MAP3K13: variants seen among roughly 807,000 people sequenced by gnomAD.
MAP3K13 encodes the protein leucine zipper-bearing kinase.
A neutral mutation model predicts 104.0 loss-of-function variants in MAP3K13; 52 were observed. The ratio of observed to expected loss-of-function variants is 0.50; its 90% CI spans 0.40 to 0.63. The LOEUF is 0.63. Among genes scored for constraint, MAP3K13 ranks in the 20% least tolerant of loss-of-function variants. MAP3K13 has a pLI of 0.00. For missense variants in MAP3K13, 914 were observed against 1,218.5 expected (o/e 0.75, Z 3.72); for synonymous variants, 394 against 442.2 (o/e 0.89, Z 1.37).
chr3:185,430,006 C>G (rs1714654294), intron 2 of MAP3K13, among the ~76,000 whole-genome samples: 2 of 152,150 alleles, frequency 1.3e-5, no homozygotes, highest in African/African-American at 4.8e-5. Flanking sequence ...TCAAGACCAG[C>G]CTGGCCAACA....
intron 10 of MAP3K13, among the ~76,000 whole-genome samples, chr3:185,472,366 C>T (rs1717854808): frequency 6.6e-6 from 1 of 151,986 alleles, no homozygotes; most frequent in South Asian, 2.1e-4. Flanking sequence ...GCATGCACCA[C>T]CACGCCTGGC....
intron 7 of MAP3K13, among the ~76,000 whole-genome samples, chr3:185,451,793 G>C (rs1313146020): frequency 6.6e-6 from 1 of 151,298 alleles, no homozygotes; most frequent in Non-Finnish European, 1.5e-5. Context: ...CTTGAACCCG[G>C]GAAGCGGAGG....
intron 5 of MAP3K13, among the ~76,000 whole-genome samples, chr3:185,449,678 G>A (rs898516127): frequency 1.3e-5 from 2 of 151,088 alleles, no homozygotes; most frequent in African/African-American, 2.4e-5. Context: ...GTTCACACAC[G>A]GGAGTTAATT....
intron 1 of MAP3K13, among the ~76,000 whole-genome samples, chr3:185,397,117 G>A (rs902768834): frequency 4.0e-5 from 6 of 151,812 alleles, no homozygotes; most frequent in Admixed American, 1.3e-4. Flanking sequence ...GAGGTCATTC[G>A]GTTCAATCCT....
intron 2 of MAP3K13, among the ~76,000 whole-genome samples, chr3:185,310,683 A>G (rs1721467013): frequency 6.6e-6 from 1 of 152,224 alleles, no homozygotes; most frequent in African/African-American, 2.4e-5. Context: ...AGATCCATAG[A>G]AGTTATTCAA....
chr3:185,414,726 G>A (rs1713646521), intron 1 of MAP3K13, among the ~76,000 whole-genome samples: 1 of 152,006 alleles, frequency 6.6e-6, no homozygotes, highest in South Asian at 2.1e-4. Flanking sequence ...AACTGGCAAT[G>A]AATTATTTGA....
chr3:185,398,028 G>C (rs1343722356), intron 1 of MAP3K13, among the ~76,000 whole-genome samples: 2 of 152,130 alleles, frequency 1.3e-5, no homozygotes, highest in Non-Finnish European at 2.9e-5. Context: ...CCTGTGGAGT[G>C]GGGAGAGCTG....
chr3:185,357,297 A>C (rs1723400186), intron 2 of MAP3K13, among the ~76,000 whole-genome samples: 1 of 151,838 alleles, frequency 6.6e-6, no homozygotes, highest in Non-Finnish European at 1.5e-5. Context: ...ATACAAAAAA[A>C]ATTAGCTGCA....
chr3:185,407,295 T>C (rs1450520617), intron 1 of MAP3K13, among the ~76,000 whole-genome samples: 1 of 152,210 alleles, frequency 6.6e-6, no homozygotes, highest in East Asian at 1.9e-4. Context: ...TCTAAAGATA[T>C]GTAATCGTGA....
At chr3:185,422,854 G>T (rs950007456) in intron 1 of MAP3K13, among the ~76,000 whole-genome samples, 2 of 152,220 alleles carry the variant, frequency 1.3e-5, no homozygotes, top group South Asian at 4.1e-4. Flanking sequence ...GTGAGCAGCA[G>T]GTGGGTGAGC....
chr3:185,364,186 G>T (rs1210470496), intron 1 of MAP3K13, among the ~76,000 whole-genome samples: 2 of 152,188 alleles, frequency 1.3e-5, no homozygotes, highest in Non-Finnish European at 2.9e-5. Flanking sequence ...GAAAAGTTCT[G>T]ATATGTTCCA....
At chr3:185,299,221 G>A (rs1362793041) in intron 2 of MAP3K13, among the ~76,000 whole-genome samples, 7 of 152,216 alleles carry the variant, frequency 4.6e-5, no homozygotes, top group Non-Finnish European at 7.3e-5. Flanking sequence ...CCCTTTTGAA[G>A]AGAGACAGGA....
chr3:185,298,426 C>G (rs1720990666), intron 2 of MAP3K13, among the ~76,000 whole-genome samples: 1 of 152,120 alleles, frequency 6.6e-6, no homozygotes, highest in Admixed American at 6.5e-5. Flanking sequence ...ATGGACAACT[C>G]AAAGGGAAAG....
At chr3:185,447,350 G>A (rs1423828299) in intron 4 of MAP3K13, among the ~76,000 whole-genome samples, 2 of 151,816 alleles carry the variant, frequency 1.3e-5, no homozygotes, top group African/African-American at 2.4e-5. Flanking sequence ...AATTAGCTGG[G>A]CATGGTGGCA....
chr3:185,328,120 G>A (rs1722106868), intron 2 of MAP3K13, among the ~76,000 whole-genome samples: 1 of 152,066 alleles, frequency 6.6e-6, no homozygotes, highest in South Asian at 2.1e-4. Context: ...ATAGAATTTG[G>A]GATCCATGTT....
At chr3:185,321,408 T>C (rs1002201753) in intron 2 of MAP3K13, among the ~76,000 whole-genome samples, 2 of 152,254 alleles carry the variant, frequency 1.3e-5, no homozygotes, top group Non-Finnish European at 2.9e-5. Context: ...ACTCTCAGCA[T>C]GTAGCTAAGC....
chr3:185,393,704 C>T (rs1712213180), intron 1 of MAP3K13, among the ~76,000 whole-genome samples: 3 of 152,170 alleles, frequency 2.0e-5, no homozygotes, highest in South Asian at 4.2e-4. Context: ...GTGATCCACC[C>T]GCCTCGGCCT....
chr3:185,348,527 A>G (rs1182471829), intron 2 of MAP3K13, among the ~76,000 whole-genome samples: 2 of 152,200 alleles, frequency 1.3e-5, no homozygotes, highest in Non-Finnish European at 2.9e-5. Flanking sequence ...AACAGGAGCA[A>G]GCAACACTAC....
At chr3:185,405,658 G>A (rs1336196814) in intron 1 of MAP3K13, among the ~76,000 whole-genome samples, 2 of 152,086 alleles carry the variant, frequency 1.3e-5, no homozygotes, top group South Asian at 2.1e-4. Flanking sequence ...TTTCTTCAAG[G>A]CCTCACTTTC....
Sources: allele counts gnomAD v4.1 joint callset (sites outside exome capture counted in the v4.1 genomes callset), GRCh38; gene constraint gnomAD v4.1.1; transcripts MANE v1.5; gene names NCBI Gene and HGNC (gene_info 2026-07-23, HGNC 2026-07-21).